MAST2: variants seen among roughly 807,000 people sequenced by gnomAD.
MAST2 encodes microtubule-associated serine/threonine-protein kinase 2.
In MAST2, 70 loss-of-function variants were observed where a neutral mutation model predicts 147.4. The ratio of observed to expected loss-of-function variants is 0.47; its 90% CI spans 0.39 to 0.58. The LOEUF (loss-of-function observed/expected upper bound fraction) is 0.58. Among genes scored for constraint, MAST2 ranks in the 20% least tolerant of loss-of-function variants. The probability of loss-of-function intolerance (pLI) is 0.00; values close to 1 mark genes in which losing one functional copy is unlikely to be tolerated. For missense variants in MAST2, 2,080 were observed against 2,302.3 expected, an observed-to-expected ratio of 0.90 and a Z score of 1.98; for synonymous variants, 869 against 896.8, an observed-to-expected ratio of 0.97 and a Z score of 0.55.
At chr1:45,988,353 A>C (rs956274029) in intron 5 of MAST2, among the ~76,000 whole-genome samples, 2 of 152,192 alleles carry the variant, frequency 1.3e-5, no homozygotes, top group African/African-American at 2.4e-5. Flanking sequence ...CCCACAAATT[A>C]TTCAGAAGTA....
At chr1:45,944,950 G>A (rs1657822363) in intron 4 of MAST2, among the ~76,000 whole-genome samples, 1 of 152,164 alleles carries the variant, frequency 6.6e-6, no homozygotes, top group South Asian at 2.1e-4. Flanking sequence ...ACCTTTTTGA[G>A]TATTTTAAGT....
At chr1:45,944,093 C>T (rs949086718) in intron 4 of MAST2, among the ~76,000 whole-genome samples, 2 of 152,126 alleles carry the variant, frequency 1.3e-5, no homozygotes, top group Admixed American at 6.6e-5. Context: ...TCTTTTCTAG[C>T]GACAGTCTTC....
At chr1:45,905,346 G>A (rs926905231) in intron 4 of MAST2, among the ~76,000 whole-genome samples, 2 of 151,796 alleles carry the variant, frequency 1.3e-5, no homozygotes, top group Non-Finnish European at 2.9e-5. Context: ...CACCGCATCT[G>A]GCTAATTTTT....
chr1:46,023,327 AG>A lies in MAST2; in HGVS notation c.1571+13del, dbSNP rs770324585. On this transcript the variant is annotated intron_variant, in intron 14 of 28. Transcript: ENST00000361297. This position sits in a 1 kb window ranked among gnomAD's most constrained non-coding sequence, Gnocchi z 4.9. ...AGCAATGGCGCCTATGGGTAAAGGC[AG>A]GGGTCAGGGTGTGGCCAGGACTGAA... The A allele has an allele frequency of 6.2e-7, 1 of 1,612,924 alleles. No individual in the cohort carries two copies. The highest frequency in any genetic ancestry group is 1.1e-5 in the South Asian group (1 of 91,060).
In MAST2 at chr1:45,898,776, C is replaced by G. The variant is rs559089194; in HGVS notation, c.500+16381C>G. ...TGTACCTGAAAGGGTGCAAAAGGAT[C>G]ATGTCTAGATTCAGCTCACCTCTGC... On this transcript the variant is annotated intron_variant, in intron 4 of 28. Coordinates refer to ENST00000361297, the MANE Select transcript of MAST2 (RefSeq NM_015112.3). Among the ~76,000 whole-genome samples the G allele has an allele frequency of 3.3e-5, 5 of 152,268 alleles. No individual in the cohort carries two copies. In the East Asian group the frequency reaches 7.7e-4, roughly 23 times the overall value.
chr1:45,988,579 C>T (rs1376236961), intron 5 of MAST2, among the ~76,000 whole-genome samples: 2 of 152,112 alleles, frequency 1.3e-5, no homozygotes, highest in Non-Finnish European at 2.9e-5. Context: ...TGGTAGTGGT[C>T]TGTAAGTGTC....
chr1:45,819,865 C>G (rs1644567687), intron 1 of MAST2, among the ~76,000 whole-genome samples: 1 of 152,162 alleles, frequency 6.6e-6, no homozygotes, highest in African/African-American at 2.4e-5. Context: ...CGTGGAACCA[C>G]AGAGGACTCA....
Position 46,029,527 on chromosome 1 carries a change from C to T in MAST2, c.2280C>T (p.Ser760=), listed in dbSNP as rs1426328816. The T allele has an allele frequency of 2.5e-6, 4 of 1,614,148 alleles. No homozygotes were observed. Among genetic ancestry groups the T allele is most frequent in the Non-Finnish European group, 3.4e-6 (4 of 1,180,008 alleles). The stretch of plus-strand genomic sequence containing the variant: ...CCCCAGACGCCCAGGACCTCACCTC[C>T]AAACTGCTCCACCAGAACCCTCTGG... ...ALPPDAQDLT[S]KLLHQNPLER... is the part of the protein sequence containing the mutation. The change falls in exon 19 of 29, where the codon TCC becomes TCT. Residue 760 remains serine, a synonymous_variant. Transcript: ENST00000361297.
At chr1:45,987,468 T>C (rs1167353837) in intron 5 of MAST2, among the ~76,000 whole-genome samples, 2 of 152,040 alleles carry the variant, frequency 1.3e-5, no homozygotes, top group Non-Finnish European at 2.9e-5. Context: ...CACACCGCCA[T>C]ACCCAGCTAA....
At chr1:45,943,410 A>C (rs2148815309) in intron 4 of MAST2, among the ~76,000 whole-genome samples, 1 of 152,348 alleles carries the variant, frequency 6.6e-6, no homozygotes, top group East Asian at 1.9e-4. Context: ...GGCCAGATAA[A>C]GCCAAACCTC....
chr1:46,030,902 T>A, intron 22 of MAST2, 105 bp from the exon 23 acceptor site: 4 of 1,482,422 alleles, frequency 2.7e-6, no homozygotes, highest in South Asian at 2.7e-5. Context: ...GAGGAATGTC[T>A]GCGGAGGAAA....
rs75503046 is a variant in MAST2, at chr1:45,843,484, A to G, written c.468+13903A>G. 3.5e-3 allele frequency among the ~76,000 whole-genome samples: 539 copies of G among 152,238 alleles called. 6 individuals carry two copies. Among genetic ancestry groups the G allele is most frequent in the East Asian group, 0.034 (177 of 5,190 alleles). On this transcript the variant is annotated intron_variant, in intron 3 of 28. Coordinates refer to ENST00000361297, the MANE Select transcript of MAST2 (RefSeq NM_015112.3). ...CAAGAGTTTATTTTTTTGCATGTGG[A>G]TATCACTTTTTAGGTATCCTTTCAA...
chr1:45,932,245 C>A (rs760641180), intron 4 of MAST2, among the ~76,000 whole-genome samples: 21 of 152,124 alleles, frequency 1.4e-4, no homozygotes, highest in Non-Finnish European at 2.4e-4. Context: ...TTCCTGGTTG[C>A]ATTATTATAC....
At chr1:46,015,058 C>T (rs1364135913) in intron 10 of MAST2, among the ~76,000 whole-genome samples, 1 of 151,570 alleles carries the variant, frequency 6.6e-6, no homozygotes, top group Non-Finnish European at 1.5e-5. Context: ...AACTGAACAA[C>T]CTGCTCCTGA....
intron 4 of MAST2, among the ~76,000 whole-genome samples, chr1:45,907,359 T>C (rs959750655): frequency 1.3e-5 from 2 of 152,216 alleles, no homozygotes; most frequent in African/African-American, 4.8e-5. Flanking sequence ...TCTAGAAGTT[T>C]GTAATTTTAG....
intron 3 of MAST2, among the ~76,000 whole-genome samples, chr1:45,869,850 T>C (rs924047684): frequency 6.6e-6 from 1 of 152,166 alleles, no homozygotes; most frequent in Non-Finnish European, 1.5e-5. Context: ...GACCTCCACC[T>C]TTTTTTAGCT....
In MAST2 at chr1:46,036,008, G is replaced by C. The variant is rs758969873; in HGVS notation, c.5339G>C (p.Gly1780Ala). ...CTCAGGAGGGGCCAAGAACCAGGGG[G>C]CCATCAAAAGCATCGGGATTTGGCA... ...PSLRRGQEPG[G>A]HQKHRDLALV... Residue 1780 changes from glycine to alanine, a missense_variant, in exon 29 of 29, where the codon GGC becomes GCC. Gly to Ala is a moderately conservative substitution (Grantham distance 60). Around this residue, in one of 4 missense-constraint regions of MAST2, gnomAD observed 1,278 missense variants for 1,304.2 expected, o/e 0.98. Coordinates refer to ENST00000361297, the MANE Select transcript of MAST2 (RefSeq NM_015112.3). 6.2e-7 allele frequency: 1 copy of C among 1,613,334 alleles called. No homozygotes were observed. The highest frequency in any genetic ancestry group is 8.5e-7 in the Non-Finnish European group (1 of 1,179,890).
In MAST2 at chr1:45,818,015, C is replaced by T. The variant is rs529468303; in HGVS notation, c.178-6418C>T. On this transcript the variant is annotated intron_variant, in intron 1 of 28. Coordinates refer to ENST00000361297, the MANE Select transcript of MAST2 (RefSeq NM_015112.3). The stretch of plus-strand genomic sequence containing the variant: ...TCATGGAAATGTTTTCTCTGCAAAA[C>T]GTTGTCGAGATGCTTGAAGAAGTGG... Among the ~76,000 whole-genome samples the T allele has an allele frequency of 3.3e-5, 5 of 152,226 alleles. No homozygotes were observed. The South Asian group carries it at 8.3e-4, about 25-fold the overall frequency.
At chr1:45,867,686 G>A (rs12732188) in intron 3 of MAST2, among the ~76,000 whole-genome samples, 17,206 of 152,134 alleles carry the variant, frequency 0.11, 1,348 homozygotes, top group Non-Finnish European at 0.17. Context: ...CGATGTGGAG[G>A]ACTTTCTTAT....
Sources: gnomAD v4.1 joint callset for allele counts (sites outside exome capture counted in the v4.1 genomes callset) on GRCh38, gnomAD v4.1.1 for gene constraint, gnomAD v4.1.1 regional missense constraint, Gnocchi (gnomAD v3.1) non-coding constraint, MANE v1.5 for transcripts, NCBI Gene and HGNC (gene_info 2026-07-23, HGNC 2026-07-21) for gene names.